The following TRABD2B variants were observed in gnomAD, a reference collection of about 807,000 sequenced individuals.
The protein encoded by TRABD2B is metalloprotease TIKI2.
A neutral mutation model predicts 40.1 loss-of-function variants in TRABD2B; 14 were observed. The ratio of observed to expected loss-of-function variants is 0.35; its 90% confidence interval spans 0.23 to 0.55. The LOEUF (loss-of-function observed/expected upper bound fraction) is 0.55, where lower values mean the gene tolerates loss of function less well. TRABD2B is among the 20% of genes least tolerant of loss of function. The pLI is 0.90. For synonymous variants in TRABD2B, 263 were observed against 277.0 expected (o/e 0.95, Z 0.50); for missense variants, 541 against 648.6 (o/e 0.83, Z 1.80).
chr1:47,923,233 T>C (rs1644924748), intron 2 of TRABD2B, among the ~76,000 whole-genome samples: 3 of 152,236 alleles, frequency 2.0e-5, no homozygotes, highest in Non-Finnish European at 4.4e-5. Context: ...CATTCTTACA[T>C]GCTCTGTACT....
At chr1:47,787,602 T>C (rs906987917) in intron 4 of TRABD2B, among the ~76,000 whole-genome samples, 4 of 152,194 alleles carry the variant, frequency 2.6e-5, no homozygotes, top group African/African-American at 4.8e-5. Context: ...CTCTCTTTCC[T>C]TAGGTCTTTT....
intron 2 of TRABD2B, among the ~76,000 whole-genome samples, chr1:47,877,737 G>A (rs1340315854): frequency 6.6e-6 from 1 of 152,284 alleles, no homozygotes; most frequent in Non-Finnish European, 1.5e-5. Flanking sequence ...AAAAGATGCA[G>A]TCTTCCATAA....
intron 2 of TRABD2B, among the ~76,000 whole-genome samples, chr1:47,941,564 G>T (rs1428036275): frequency 2.6e-5 from 4 of 152,250 alleles, no homozygotes; most frequent in Non-Finnish European, 5.9e-5. Context: ...GCCTAGCTAT[G>T]TGAACCTGGC....
chr1:47,938,956 ACAGAGAG>A (rs1197108432), intron 2 of TRABD2B, among the ~76,000 whole-genome samples: 2 of 151,954 alleles, frequency 1.3e-5, no homozygotes, highest in Non-Finnish European at 2.9e-5. Flanking sequence ...AGAGACAGAG[ACAGAGAG>A]GGGCAGACTG....
intron 2 of TRABD2B, among the ~76,000 whole-genome samples, chr1:47,824,941 C>T (rs1645155711): frequency 1.3e-5 from 2 of 152,330 alleles, no homozygotes; most frequent in East Asian, 3.9e-4. Context: ...GCCAACTTGG[C>T]CAGCACAGCC....
At chr1:47,909,314 C>T (rs1432898562) in intron 2 of TRABD2B, among the ~76,000 whole-genome samples, 1 of 151,380 alleles carries the variant, frequency 6.6e-6, no homozygotes, top group Non-Finnish European at 1.5e-5. Context: ...CCAGCATCTA[C>T]TTCTGGTGAG....
chr1:47,908,115 G>A (rs1364609900), intron 2 of TRABD2B, among the ~76,000 whole-genome samples: 1 of 152,154 alleles, frequency 6.6e-6, no homozygotes, highest in Non-Finnish European at 1.5e-5. Flanking sequence ...TACCTTAGTG[G>A]GAAGATGTTC....
intron 2 of TRABD2B, among the ~76,000 whole-genome samples, chr1:47,831,663 G>A (rs1645251604): frequency 6.6e-6 from 1 of 152,136 alleles, no homozygotes; most frequent in Admixed American, 6.5e-5. Context: ...TTCGAAAGTC[G>A]AAGCCGTGGA....
intron 2 of TRABD2B, among the ~76,000 whole-genome samples, chr1:47,901,536 C>G (rs1026543758): frequency 6.6e-6 from 1 of 152,320 alleles, no homozygotes; most frequent in East Asian, 1.9e-4. Context: ...TCCAGGCCAG[C>G]TGGTATTCAA....
intron 2 of TRABD2B, among the ~76,000 whole-genome samples, chr1:47,928,941 T>C (rs1327034697): frequency 6.6e-6 from 1 of 152,248 alleles, no homozygotes; most frequent in Non-Finnish European, 1.5e-5. Flanking sequence ...TGCTTTAACA[T>C]AACTTACAAG....
chr1:47,948,335 G>A (rs1375800788), intron 2 of TRABD2B, among the ~76,000 whole-genome samples: 3 of 152,132 alleles, frequency 2.0e-5, no homozygotes, highest in African/African-American at 7.2e-5. Flanking sequence ...AAGGTACAAG[G>A]AGTCTAGTCA....
At chr1:47,859,086 G>A (rs1435191703) in intron 2 of TRABD2B, among the ~76,000 whole-genome samples, 2 of 152,354 alleles carry the variant, frequency 1.3e-5, no homozygotes, top group Non-Finnish European at 2.9e-5. Context: ...CAGCTGGCAA[G>A]GAACAGAGGG....
chr1:47,997,177 G>C lies in TRABD2B; in HGVS notation c.-388C>G. On this transcript the variant is annotated 5_prime_UTR_variant, in exon 1 of 7. Coordinates refer to ENST00000606738, the MANE Select transcript of TRABD2B (RefSeq NM_001194986.2). Reference sequence around the variant, plus strand: ...GCGCAAGGGTCCCGGGGTTATGCTGGGCACCCGGGGCACGCAAGGGTCCCA... The same window carrying C: ...GCGCAAGGGTCCCGGGGTTATGCTGCGCACCCGGGGCACGCAAGGGTCCCA... The C allele has an allele frequency of 1.0e-6, 1 of 983,354 alleles. No individual in the cohort carries two copies. Among genetic ancestry groups the C allele is most frequent in the Non-Finnish European group, 1.2e-6 (1 of 829,178 alleles). 60.9% of individuals were successfully genotyped at this position (983,354 alleles called of 1,614,324 possible).
chr1:47,992,334 T>G (rs923951845), intron 2 of TRABD2B, among the ~76,000 whole-genome samples: 5 of 152,206 alleles, frequency 3.3e-5, no homozygotes, highest in Non-Finnish European at 7.3e-5. Flanking sequence ...GCAAATGTTT[T>G]CACCCTACCA....
At position 47,800,758 on chromosome 1, in the gene TRABD2B, T is replaced by C. The variant is rs148314459; in HGVS notation, c.813+715A>G. 3.3e-4 allele frequency among the ~76,000 whole-genome samples: 50 copies of C among 152,226 alleles called. No individual in the cohort carries two copies. In the East Asian group the frequency reaches 9.5e-3, roughly 29 times the overall value. ...GGAAGGTTTCTCAGGAGGTGACATA[T>C]GACTATGACCAAGTGGGAGGAACCC... On this transcript the variant is annotated intron_variant, in intron 3 of 6. Transcript: ENST00000606738.
intron 2 of TRABD2B, among the ~76,000 whole-genome samples, chr1:47,802,023 G>C (rs1235440527): frequency 1.3e-5 from 2 of 152,206 alleles, no homozygotes; most frequent in Non-Finnish European, 2.9e-5. Context: ...CAAAGCAACA[G>C]GACAAGAACA....
intron 2 of TRABD2B, among the ~76,000 whole-genome samples, chr1:47,934,690 G>A (rs1333138844): frequency 6.6e-6 from 1 of 152,224 alleles, no homozygotes; most frequent in Non-Finnish European, 1.5e-5. Flanking sequence ...AAAGCTGATG[G>A]AGCCACAAAT....
chr1:47,996,566 C>T lies in TRABD2B; in HGVS notation c.102+122G>A. On this transcript the variant is annotated intron_variant, in intron 1 of 6. Coordinates refer to ENST00000606738, the MANE Select transcript of TRABD2B (RefSeq NM_001194986.2). The surrounding 1 kb of genome is among the most constrained non-coding windows in gnomAD (Gnocchi z 4.6). ...CGAAGGAAGGGCGCCCGAGGCTGCG[C>T]CCGGGGGGTGGAGGTGGAGCGGGCG... 5.3e-6 allele frequency: 6 copies of T among 1,123,398 alleles called. No homozygotes were observed. The highest frequency in any genetic ancestry group is 6.6e-6 in the Non-Finnish European group (6 of 904,542). The allele number at this position is 1,123,398 out of a possible 1,614,324, so 69.6% of individuals were successfully genotyped here.
chr1:47,837,276 C>T (rs1481565565), intron 2 of TRABD2B, among the ~76,000 whole-genome samples: 3 of 152,160 alleles, frequency 2.0e-5, no homozygotes, highest in Non-Finnish European at 4.4e-5. Flanking sequence ...AACCTCAGCA[C>T]CAAGAGGGAA....
Sources: allele counts gnomAD v4.1 joint callset (sites outside exome capture counted in the v4.1 genomes callset), GRCh38; gene constraint gnomAD v4.1.1; non-coding constraint Gnocchi (gnomAD v3.1); transcripts MANE v1.5; gene names NCBI Gene and HGNC (gene_info 2026-07-23, HGNC 2026-07-21).